Variants in OPCML observed in about 807,000 individuals in gnomAD.
OPCML encodes the protein opioid-binding protein/cell adhesion molecule.
In OPCML, 13 loss-of-function variants were observed where a neutral mutation model predicts 37.8. The observed-to-expected ratio is 0.34, with a 90% CI of 0.22 to 0.55. The LOEUF (loss-of-function observed/expected upper bound fraction) is 0.55. Among genes scored for constraint, OPCML ranks in the 20% least tolerant of loss-of-function variants. OPCML has a pLI of 0.91. For synonymous variants in OPCML, 176 were observed against 168.8 expected (o/e 1.04, Z -0.33); for missense variants, 341 against 435.6 (o/e 0.78, Z 1.93).
intron 4 of OPCML, among the ~76,000 whole-genome samples, chr11:132,473,704 T>A (rs2096145279): frequency 6.6e-6 from 1 of 152,124 alleles, no homozygotes; most frequent in East Asian, 1.9e-4. Flanking sequence ...TGTGCACCTG[T>A]GGTCCCAGCT....
intron 1 of OPCML, among the ~76,000 whole-genome samples, chr11:133,374,861 A>T (rs1247143858): frequency 1.3e-5 from 2 of 152,120 alleles, no homozygotes; most frequent in Admixed American, 1.3e-4. Context: ...CCATGCAGCC[A>T]AGGTACCATA....
chr11:133,293,608 G>A (rs1019212611), intron 1 of OPCML, among the ~76,000 whole-genome samples: 6 of 152,094 alleles, frequency 3.9e-5, no homozygotes, highest in South Asian at 2.1e-4. Context: ...GAGAGTAAAC[G>A]GATCTGAGTT....
chr11:133,052,798 C>G (rs141878141), intron 1 of OPCML, among the ~76,000 whole-genome samples: 1 of 152,194 alleles, frequency 6.6e-6, no homozygotes, highest in African/African-American at 2.4e-5. Flanking sequence ...ATCTGCTAGA[C>G]GCCAGCACAT....
intron 1 of OPCML, among the ~76,000 whole-genome samples, chr11:133,506,555 T>C (rs12788589): frequency 0.34 from 52,213 of 152,114 alleles, 12,927 homozygotes; most frequent in African/African-American, 0.69. Flanking sequence ...AATCTGTGAA[T>C]GGATTAGCAA....
intron 1 of OPCML, among the ~76,000 whole-genome samples, chr11:133,527,372 C>A (rs534057581): frequency 4.6e-5 from 7 of 152,290 alleles, no homozygotes; most frequent in Non-Finnish European, 7.4e-5. Context: ...GAAGAAAAAG[C>A]TTAACAATTT....
chr11:133,232,479 A>G (rs116204848), intron 1 of OPCML, among the ~76,000 whole-genome samples: 20 of 152,338 alleles, frequency 1.3e-4, no homozygotes, highest in African/African-American at 4.8e-4. Flanking sequence ...GATGCATTAT[A>G]AAGTCATGAC....
rs140118189 is a variant in OPCML, at chr11:132,458,260, C to G, written c.506-20901G>C. On this transcript the variant is annotated intron_variant, in intron 4 of 7. Coordinates refer to ENST00000524381, the MANE Select transcript of OPCML (RefSeq NM_001012393.5). ...TAAAAGGATACCTCAGAACCCCACT[C>G]GGACCCAACTAACATGCATAGAAGA... 3.2e-4 allele frequency among the ~76,000 whole-genome samples: 48 copies of G among 152,246 alleles called. No individual in the cohort carries two copies. The East Asian group carries it at 8.9e-3, about 28-fold the overall frequency.
rs956752290 is a variant in OPCML, at chr11:132,963,590, CA to C, written c.62-20581del. Among the ~76,000 whole-genome samples, 500 of 97,978 alleles carry C rather than the reference CA, an allele frequency of 5.1e-3. 3 individuals carry two copies. The highest frequency in any genetic ancestry group is 0.049 in the Middle Eastern group (10 of 206). The allele number at this position is 97,978 out of a possible 152,430, so 64.3% of individuals were successfully genotyped here. On this transcript the variant is annotated intron_variant, in intron 1 of 7. Coordinates refer to ENST00000524381, the MANE Select transcript of OPCML (RefSeq NM_001012393.5). The stretch of plus-strand genomic sequence containing the variant: ...CTAGTGACAGAGCAAGACTGGGTCT[CA>C]AAAAAAAAAAAAAAAACTGTGGCTC...
chr11:132,617,486 G>GT (rs1939112247), intron 3 of OPCML, among the ~76,000 whole-genome samples: 1 of 152,192 alleles, frequency 6.6e-6, no homozygotes, highest in Non-Finnish European at 1.5e-5. Context: ...CTCTCCCAGT[G>GT]ATTGGCCCCT....
At chr11:133,458,961 C>A (rs953512266) in intron 1 of OPCML, among the ~76,000 whole-genome samples, 3 of 151,502 alleles carry the variant, frequency 2.0e-5, no homozygotes, top group Non-Finnish European at 4.4e-5. Context: ...GAAATTTTGG[C>A]CTGTAACTCC....
chr11:132,712,570 A>T (rs771356190), intron 2 of OPCML, among the ~76,000 whole-genome samples: 1 of 152,316 alleles, frequency 6.6e-6, no homozygotes, highest in Admixed American at 6.5e-5. Context: ...CCCCAAGAAC[A>T]TGGGATTAAG....
intron 2 of OPCML, among the ~76,000 whole-genome samples, chr11:132,907,455 A>G (rs901172256): frequency 4.6e-5 from 7 of 151,980 alleles, no homozygotes; most frequent in African/African-American, 1.7e-4. Context: ...ACATGGTGAA[A>G]CCCCATCTCT....
intron 1 of OPCML, among the ~76,000 whole-genome samples, chr11:133,516,653 A>G (rs1401128547): frequency 6.6e-6 from 1 of 152,146 alleles, no homozygotes; most frequent in Non-Finnish European, 1.5e-5. Context: ...CTAAGGCCTC[A>G]GTGTCCCCAG....
intron 2 of OPCML, among the ~76,000 whole-genome samples, chr11:132,762,204 T>C (rs57398183): frequency 0.02 from 3,096 of 152,314 alleles, 83 homozygotes; most frequent in African/African-American, 0.068. Context: ...AAGGGGCACC[T>C]GCCAAGATGC....
At chr11:133,167,254 A>T (rs2137232476) in intron 1 of OPCML, among the ~76,000 whole-genome samples, 1 of 152,222 alleles carries the variant, frequency 6.6e-6, no homozygotes, top group Middle Eastern at 3.4e-3. Flanking sequence ...TTATTATTTT[A>T]TTATATTATC....
intron 1 of OPCML, among the ~76,000 whole-genome samples, chr11:132,999,031 A>G (rs1946941225): frequency 6.6e-6 from 1 of 152,198 alleles, no homozygotes; most frequent in Non-Finnish European, 1.5e-5. Flanking sequence ...TGAGGAAACA[A>G]AAGGTCAGAT....
At chr11:132,506,503 T>C (rs1203027224) in intron 4 of OPCML, among the ~76,000 whole-genome samples, 1 of 152,092 alleles carries the variant, frequency 6.6e-6, no homozygotes, top group East Asian at 1.9e-4. Context: ...TTAAGCTAAA[T>C]GAAAATGCCA....
At chr11:132,816,946 G>GCCC (rs1939671612) in intron 2 of OPCML, among the ~76,000 whole-genome samples, 1 of 152,198 alleles carries the variant, frequency 6.6e-6, no homozygotes, top group Non-Finnish European at 1.5e-5. Flanking sequence ...TGGAAAGACA[G>GCCC]TTACCCCTCA....
intron 2 of OPCML, among the ~76,000 whole-genome samples, chr11:132,809,254 C>G (rs1250985317): frequency 6.6e-6 from 1 of 152,150 alleles, no homozygotes; most frequent in East Asian, 1.9e-4. Flanking sequence ...CCACTATGAT[C>G]GTGGTGTTAA....
Sources: allele counts gnomAD v4.1 joint callset (sites outside exome capture counted in the v4.1 genomes callset), GRCh38; gene constraint gnomAD v4.1.1; transcripts MANE v1.5; gene names NCBI Gene and HGNC (gene_info 2026-07-23, HGNC 2026-07-21).